The following LY96 variants were observed in gnomAD, a reference collection of about 807,000 sequenced individuals.
LY96 encodes lymphocyte antigen 96.
In LY96, 18 loss-of-function variants were observed where a neutral mutation model predicts 18.9. That is an observed-to-expected ratio of 0.95 (90% CI 0.66 to 1.41). The LOEUF is 1.41. LY96 is among the 40% of genes most tolerant of loss of function. The probability of loss-of-function intolerance (pLI) is 0.00; values close to 1 mark genes in which losing one functional copy is unlikely to be tolerated. For missense variants in LY96, 175 were observed against 182.4 expected (o/e 0.96, Z 0.23); for synonymous variants, 66 against 62.6 (o/e 1.06, Z -0.26).
chr8:74,078,671 T>C, the LY96 span, among the ~76,000 whole-genome samples: 2 of 152,270 alleles, frequency 1.3e-5, no homozygotes, highest in Middle Eastern at 3.4e-3. Context: ...ATTCTGTGTC[T>C]CCTGGAAATG....
chr8:74,029,472 A>G (rs1000599852), downstream of LY96, among the ~76,000 whole-genome samples: 2 of 152,112 alleles, frequency 1.3e-5, no homozygotes, highest in Non-Finnish European at 2.9e-5. Context: ...TGTTCTCATG[A>G]TAGTGAATGA....
chr8:74,072,968 G>A, the LY96 span, among the ~76,000 whole-genome samples: 1 of 152,186 alleles, frequency 6.6e-6, no homozygotes, highest in Non-Finnish European at 1.5e-5. Flanking sequence ...AGTGGGTTAA[G>A]TGGTCTCTGT....
At chr8:74,052,814 A>G in the LY96 span, among the ~76,000 whole-genome samples, 2 of 152,176 alleles carry the variant, frequency 1.3e-5, no homozygotes, top group African/African-American at 4.8e-5. Flanking sequence ...AGTAGGATGG[A>G]TACTAGCTGG....
intron 1 of LY96, among the ~76,000 whole-genome samples, chr8:74,001,984 C>T (rs796270377): frequency 0.014 from 1,531 of 106,118 alleles, 16 homozygotes; most frequent in Non-Finnish European, 0.018. Flanking sequence ...CCTTCCCTCC[C>T]TCCCTCCCTC....
At chr8:74,044,591 G>A in the LY96 span, among the ~76,000 whole-genome samples, 1 of 152,100 alleles carries the variant, frequency 6.6e-6, no homozygotes, top group African/African-American at 2.4e-5. Flanking sequence ...AAAAAAATTG[G>A]AGCTGATCAG....
intron 3 of LY96, among the ~76,000 whole-genome samples, chr8:74,019,614 C>T (rs1218674090): frequency 6.6e-6 from 1 of 151,892 alleles, no homozygotes; most frequent in Non-Finnish European, 1.5e-5. Context: ...AGAGACACAA[C>T]AAAAAAAGAG....
At chr8:74,068,081 A>ATATATAT in the LY96 span, among the ~76,000 whole-genome samples, 3 of 95,378 alleles carry the variant, frequency 3.1e-5, no homozygotes, top group African/African-American at 2.1e-4. Flanking sequence ...AAAAAAAAAA[A>ATATATAT]AAAAAAAAAT....
the LY96 span, among the ~76,000 whole-genome samples, chr8:74,071,477 A>AT: frequency 6.7e-6 from 1 of 149,340 alleles, no homozygotes; most frequent in East Asian, 1.9e-4. Context: ...GCCTTTTGTA[A>AT]TAAAAAAAAA....
At chr8:74,081,122 T>TTTCTTTCTTTCTTTCTTTCTTTCC in the LY96 span, among the ~76,000 whole-genome samples, 19 of 124,346 alleles carry the variant, frequency 1.5e-4, no homozygotes, top group Admixed American at 5.2e-4. Flanking sequence ...TCTTTCTTTC[T>TTTCTTTCTTTCTTTCTTTCTTTCC]TTCCTTCCTT....
intron 3 of LY96, among the ~76,000 whole-genome samples, chr8:74,022,142 T>C (rs2131280962): frequency 6.6e-6 from 1 of 152,150 alleles, no homozygotes; most frequent in South Asian, 2.1e-4. Context: ...GCACAGTGGC[T>C]CAAGCCTGTA....
intron 1 of LY96, among the ~76,000 whole-genome samples, chr8:73,991,921 C>A (rs1816013196): frequency 6.6e-6 from 1 of 151,900 alleles, no homozygotes; most frequent in African/African-American, 2.4e-5. Context: ...GATGGTAGAG[C>A]AGTCCCAGCT....
the LY96 span, among the ~76,000 whole-genome samples, chr8:74,053,117 G>T: frequency 1.3e-5 from 2 of 152,186 alleles, no homozygotes; most frequent in Non-Finnish European, 2.9e-5. Context: ...TTCAGCAAGT[G>T]GTGCCACAGA....
chr8:74,090,521 T>C, the LY96 span, among the ~76,000 whole-genome samples: 1 of 152,248 alleles, frequency 6.6e-6, no homozygotes, highest in African/African-American at 2.4e-5. Context: ...ACTTTGCTTC[T>C]ATTAAATCTG....
chr8:74,058,767 G>A, the LY96 span, among the ~76,000 whole-genome samples: 2 of 152,060 alleles, frequency 1.3e-5, no homozygotes, highest in Admixed American at 1.3e-4. Flanking sequence ...AGATCCACCC[G>A]CCTCAGCTTC....
At chr8:74,002,034 C>T (rs1376074842) in intron 1 of LY96, among the ~76,000 whole-genome samples, 543 of 24,250 alleles carry the variant, frequency 0.022, no homozygotes, top group South Asian at 0.032. Context: ...TTCCTTCCTT[C>T]CTTCCTTCCT....
chr8:74,033,085 C>T (rs1816997163), downstream of LY96, among the ~76,000 whole-genome samples: 2 of 152,106 alleles, frequency 1.3e-5, no homozygotes, highest in South Asian at 4.1e-4. Flanking sequence ...CCCTGGGTGA[C>T]ATTACTCCGG....
rs986244512 is a variant in LY96, at chr8:74,010,095, T to A, written c.297T>A (p.Asp99Glu). ...AAGAAGTTATTTGCCGAGGATCTGA[T>A]GACGATTACTCTTTTTGCAGAGCTC... is the stretch of plus-strand genomic sequence containing the variant. ...KRKEVICRGS[D>E]DDYSFCRALK... Residue 99 changes from aspartate (D) to glutamate (E), a missense_variant, in exon 3 of 5, where the codon GAT becomes GAA. Coordinates refer to ENST00000284818, the MANE Select transcript of LY96 (RefSeq NM_015364.5). The A allele has an allele frequency of 6.2e-7, 1 of 1,613,420 alleles. No homozygotes were observed. Among genetic ancestry groups the A allele is most frequent in the Non-Finnish European group, 8.5e-7 (1 of 1,179,482 alleles).
chr8:74,085,468 T>C, the LY96 span, among the ~76,000 whole-genome samples: 1 of 152,244 alleles, frequency 6.6e-6, no homozygotes, highest in Non-Finnish European at 1.5e-5. Context: ...TGTCAGTGTG[T>C]ACAGAAGAGC....
intron 3 of LY96, among the ~76,000 whole-genome samples, chr8:74,013,885 G>C (rs1167627646): frequency 6.6e-6 from 1 of 152,076 alleles, no homozygotes; most frequent in Non-Finnish European, 1.5e-5. Context: ...ATATTGGCCG[G>C]TATCCTATAG....
Sources: gnomAD v4.1 joint callset for allele counts (sites outside exome capture counted in the v4.1 genomes callset) on GRCh38, gnomAD v4.1.1 for gene constraint, MANE v1.5 for transcripts, NCBI Gene and HGNC (gene_info 2026-07-23, HGNC 2026-07-21) for gene names.